The following ROBO2 variants were observed in gnomAD, a reference collection of about 807,000 sequenced individuals.
ROBO2 encodes roundabout guidance receptor 2.
ROBO2 carries 53 observed loss-of-function variants against 160.8 expected under a neutral mutation model. That is an observed-to-expected ratio of 0.33 (90% CI 0.26 to 0.41). The LOEUF (loss-of-function observed/expected upper bound fraction) is 0.41, where lower values mean the gene tolerates loss of function less well. Among genes scored for constraint, ROBO2 ranks in the 10% least tolerant of loss-of-function variants. The pLI, the probability that ROBO2 is intolerant of heterozygous loss-of-function variation, is 1.00. For synonymous variants in ROBO2, 664 were observed against 611.7 expected, an observed-to-expected ratio of 1.09 and a Z score of -1.26; for missense variants, 1,577 against 1,722.4, an observed-to-expected ratio of 0.92 and a Z score of 1.49.
intron 2 of ROBO2, among the ~76,000 whole-genome samples, chr3:75,959,531 T>G (rs968581366): frequency 6.6e-5 from 10 of 151,694 alleles, no homozygotes; most frequent in Non-Finnish European, 1.3e-4. Context: ...TTTCATGAAT[T>G]ACTTATAATT....
chr3:77,227,988 G>A (rs1051147981), intron 2 of ROBO2, among the ~76,000 whole-genome samples: 20 of 152,200 alleles, frequency 1.3e-4, no homozygotes, highest in Non-Finnish European at 2.8e-4. Context: ...GTATGTAGAA[G>A]AGAAAACATG....
chr3:77,108,546 G>A (rs2073163789), intron 2 of ROBO2, among the ~76,000 whole-genome samples: 1 of 152,076 alleles, frequency 6.6e-6, no homozygotes, highest in African/African-American at 2.4e-5. Flanking sequence ...GAGTAAAACG[G>A]GTTAAAGAGC....
chr3:76,865,695 T>C (rs1393961378), intron 2 of ROBO2, among the ~76,000 whole-genome samples: 1 of 152,122 alleles, frequency 6.6e-6, no homozygotes, highest in African/African-American at 2.4e-5. Flanking sequence ...GTCAGCCTGA[T>C]TCATTGTAGT....
At chr3:77,597,324 T>A (rs1001667146) in intron 19 of ROBO2, among the ~76,000 whole-genome samples, 1 of 151,838 alleles carries the variant, frequency 6.6e-6, no homozygotes, top group African/African-American at 2.4e-5. Context: ...AATAAATAAA[T>A]AAAAAAGACA....
intron 2 of ROBO2, among the ~76,000 whole-genome samples, chr3:77,441,009 C>G (rs79864605): frequency 6.6e-6 from 1 of 152,060 alleles, no homozygotes; most frequent in Non-Finnish European, 1.5e-5. Flanking sequence ...ATATTCTATT[C>G]TTTCTGTCGA....
At chr3:76,478,969 C>A (rs2079076891) in intron 2 of ROBO2, among the ~76,000 whole-genome samples, 2 of 152,066 alleles carry the variant, frequency 1.3e-5, no homozygotes, top group African/African-American at 4.8e-5. Flanking sequence ...AGCCTAACTT[C>A]ACACACTGTT....
chr3:76,328,045 A>G (rs1201416402), intron 2 of ROBO2, among the ~76,000 whole-genome samples: 12 of 152,170 alleles, frequency 7.9e-5, no homozygotes, highest in Admixed American at 7.9e-4. Context: ...CAGAAAGAAG[A>G]GAAAGAAGCC....
intron 2 of ROBO2, among the ~76,000 whole-genome samples, chr3:76,652,259 A>G (rs1352295996): frequency 6.6e-6 from 1 of 152,210 alleles, no homozygotes; most frequent in African/African-American, 2.4e-5. Context: ...TTAAAATTAT[A>G]GTATGTACCA....
At chr3:77,422,071 T>C (rs920821807) in intron 2 of ROBO2, among the ~76,000 whole-genome samples, 3 of 152,188 alleles carry the variant, frequency 2.0e-5, no homozygotes, top group South Asian at 4.1e-4. Flanking sequence ...TCTGGCAATT[T>C]TGAATGCTGA....
chr3:77,495,691 G>A (rs901201171), intron 5 of ROBO2, among the ~76,000 whole-genome samples: 5 of 152,150 alleles, frequency 3.3e-5, no homozygotes, highest in African/African-American at 4.8e-5. Flanking sequence ...TTTTTAAAAA[G>A]AATACCTTAG....
At chr3:77,304,393 T>G (rs912054215) in intron 2 of ROBO2, among the ~76,000 whole-genome samples, 2 of 152,144 alleles carry the variant, frequency 1.3e-5, no homozygotes, top group Admixed American at 1.3e-4. Context: ...TAGCAACCAG[T>G]GGCTTGAGAA....
chr3:77,010,853 T>C (rs61351770), intron 2 of ROBO2, among the ~76,000 whole-genome samples: 8,439 of 93,386 alleles, frequency 0.09, 560 homozygotes, highest in East Asian at 0.16. Flanking sequence ...TCCCTCCCTC[T>C]CTCCCTCCCT....
chr3:76,989,562 C>A (rs2060557943), intron 2 of ROBO2, among the ~76,000 whole-genome samples: 1 of 151,752 alleles, frequency 6.6e-6, no homozygotes, highest in Admixed American at 6.6e-5. Flanking sequence ...CCGCCGGGTT[C>A]TTAGGATGAC....
intron 2 of ROBO2, among the ~76,000 whole-genome samples, chr3:76,379,203 C>A (rs2076499551): frequency 6.6e-6 from 1 of 151,956 alleles, no homozygotes. Flanking sequence ...AAGAAGTAAT[C>A]GATATTATAA....
intron 2 of ROBO2, among the ~76,000 whole-genome samples, chr3:77,394,555 T>C (rs72899133): frequency 0.059 from 8,971 of 152,254 alleles, 850 homozygotes; most frequent in African/African-American, 0.2. Context: ...TCTTCATTTC[T>C]CTTTCTTGCA....
chr3:76,529,936 T>G (rs1407344904), intron 2 of ROBO2, among the ~76,000 whole-genome samples: 1 of 152,218 alleles, frequency 6.6e-6, no homozygotes, highest in Non-Finnish European at 1.5e-5. Context: ...CTGTGATCCC[T>G]GCTTTGGCCT....
chr3:77,384,438 T>C (rs748007751), intron 2 of ROBO2, among the ~76,000 whole-genome samples: 1 of 152,114 alleles, frequency 6.6e-6, no homozygotes, highest in African/African-American at 2.4e-5. Context: ...TTAAAAAAAG[T>C]CCAGGAGTAG....
chr3:76,275,800 G>GT, intron 2 of ROBO2, among the ~76,000 whole-genome samples: 2 of 152,062 alleles, frequency 1.3e-5, no homozygotes, highest in South Asian at 4.1e-4. Flanking sequence ...ATTAGAAATG[G>GT]TTTTTACCTA....
At chr3:76,582,468 A>G (rs1401415222) in intron 2 of ROBO2, among the ~76,000 whole-genome samples, 3 of 152,184 alleles carry the variant, frequency 2.0e-5, no homozygotes, top group African/African-American at 2.4e-5. Flanking sequence ...ACACTCAGCC[A>G]TAACTGTACA....
Sources: allele counts gnomAD v4.1 joint callset (sites outside exome capture counted in the v4.1 genomes callset), GRCh38; gene constraint gnomAD v4.1.1; transcripts MANE v1.5; gene names NCBI Gene and HGNC (gene_info 2026-07-23, HGNC 2026-07-21).